The following PLPP1 variants were observed in gnomAD, a reference collection of about 807,000 sequenced individuals.
PLPP1 encodes phospholipid phosphatase 1.
In PLPP1, 24 loss-of-function variants were observed where a neutral mutation model predicts 31.2. The ratio of observed to expected loss-of-function variants is 0.77; its 90% CI spans 0.56 to 1.08. The LOEUF is 1.08. Among genes scored for constraint, PLPP1 ranks in the 50% least tolerant of loss-of-function variants. The pLI is 0.00. For synonymous variants in PLPP1, 146 were observed against 126.3 expected, an observed-to-expected ratio of 1.16 and a Z score of -1.05; for missense variants, 319 against 342.7, an observed-to-expected ratio of 0.93 and a Z score of 0.55.
At chr5:55,522,922 G>C (rs999122509) in intron 1 of PLPP1, among the ~76,000 whole-genome samples, 4 of 152,046 alleles carry the variant, frequency 2.6e-5, no homozygotes, top group Non-Finnish European at 2.9e-5. Context: ...GTTTCAGCGT[G>C]TTAACCAGGA....
At chr5:55,495,530 T>C (rs1752986967) in intron 1 of PLPP1, among the ~76,000 whole-genome samples, 1 of 152,094 alleles carries the variant, frequency 6.6e-6, no homozygotes, top group Non-Finnish European at 1.5e-5. Context: ...ATATATCAAA[T>C]GCTAAGACAT....
At chr5:55,490,389 A>T (rs1231808276) in intron 1 of PLPP1, among the ~76,000 whole-genome samples, 3 of 152,050 alleles carry the variant, frequency 2.0e-5, no homozygotes, top group African/African-American at 7.2e-5. Context: ...ACCTCAGGTG[A>T]TCAGCCCATC....
At chr5:55,528,237 G>A (rs557045072) in intron 1 of PLPP1, among the ~76,000 whole-genome samples, 2 of 152,210 alleles carry the variant, frequency 1.3e-5, no homozygotes, top group South Asian at 4.2e-4. Context: ...AGCAGCAGCA[G>A]CTACGAGTAA....
At chr5:55,474,731 C>T (rs1177379335) in intron 2 of PLPP1, among the ~76,000 whole-genome samples, 1 of 152,034 alleles carries the variant, frequency 6.6e-6, no homozygotes, top group African/African-American at 2.4e-5. Flanking sequence ...GAATCAAAAA[C>T]GGTAGGTACA....
chr5:55,437,843 G>A (rs1444940513), intron 4 of PLPP1, among the ~76,000 whole-genome samples: 3 of 152,224 alleles, frequency 2.0e-5, no homozygotes, highest in African/African-American at 7.2e-5. Flanking sequence ...TTTGCCCAAT[G>A]TTCAGCAATA....
chr5:55,494,967 C>CAA (rs33994006), intron 1 of PLPP1, among the ~76,000 whole-genome samples: 103,564 of 135,456 alleles, frequency 0.76, 40,325 homozygotes, highest in Non-Finnish European at 0.86. Context: ...AAAAAAAATA[C>CAA]AAAAAAAAAA....
intron 3 of PLPP1, among the ~76,000 whole-genome samples, chr5:55,451,556 CTTT>C (rs565534624): frequency 1.4e-5 from 2 of 142,486 alleles, no homozygotes; most frequent in Admixed American, 7.0e-5. Flanking sequence ...TTAGAGAAAC[CTTT>C]TTTTTTTTTT....
At chr5:55,425,582 TG>T in intron 5 of PLPP1, 1 of 450,498 alleles carries the variant, frequency 2.2e-6, no homozygotes. Context: ...TATTTCTACA[TG>T]TGAATTAGTT....
intron 4 of PLPP1, among the ~76,000 whole-genome samples, chr5:55,427,007 A>C (rs1168785454): frequency 2.0e-5 from 3 of 151,984 alleles, no homozygotes; most frequent in African/African-American, 7.3e-5. Flanking sequence ...CCCCTTTCTC[A>C]TGTCAGTCTG....
intron 1 of PLPP1, among the ~76,000 whole-genome samples, chr5:55,479,111 A>G: frequency 6.9e-6 from 1 of 145,948 alleles, no homozygotes. Flanking sequence ...TGCAACCTCC[A>G]CCTTCCGGGT....
intron 3 of PLPP1, among the ~76,000 whole-genome samples, chr5:55,444,855 T>G (rs1304446127): frequency 1.3e-5 from 2 of 151,712 alleles, no homozygotes; most frequent in African/African-American, 4.8e-5. Flanking sequence ...GTTCAAGTGA[T>G]TCTCCTGTCT....
At chr5:55,505,986 G>A (rs1263840783) in intron 1 of PLPP1, among the ~76,000 whole-genome samples, 4 of 152,204 alleles carry the variant, frequency 2.6e-5, no homozygotes, top group African/African-American at 9.6e-5. Flanking sequence ...GAACCTGGGA[G>A]GCAGAGGTTG....
At chr5:55,505,415 G>T (rs1245439979) in intron 1 of PLPP1, among the ~76,000 whole-genome samples, 3 of 149,298 alleles carry the variant, frequency 2.0e-5, no homozygotes, top group African/African-American at 7.4e-5. Flanking sequence ...ACAACATAGG[G>T]AGACTCCCAT....
chr5:55,464,723 T>C (rs541974350), intron 3 of PLPP1, among the ~76,000 whole-genome samples: 1 of 152,280 alleles, frequency 6.6e-6, no homozygotes, highest in Admixed American at 6.5e-5. Flanking sequence ...CACAACAAAG[T>C]ACTCACTGTA....
intron 2 of PLPP1, among the ~76,000 whole-genome samples, chr5:55,468,796 T>C (rs1043918209): frequency 1.3e-5 from 2 of 152,044 alleles, no homozygotes; most frequent in Non-Finnish European, 2.9e-5. Context: ...AGAGCAAGAC[T>C]CCGTCTCAAT....
At chr5:55,502,063 A>G (rs1057359862) in intron 1 of PLPP1, among the ~76,000 whole-genome samples, 1 of 152,250 alleles carries the variant, frequency 6.6e-6, no homozygotes, top group East Asian at 1.9e-4. Context: ...AAGCCTTTCA[A>G]GTTTTTTACT....
At chr5:55,530,940 C>CGACAGG (rs545572159) in intron 1 of PLPP1, among the ~76,000 whole-genome samples, 65 of 151,576 alleles carry the variant, frequency 4.3e-4, no homozygotes, top group African/African-American at 1.6e-3. Context: ...ATGGTGACAG[C>CGACAGG]GGCAGCGGCC....
intron 1 of PLPP1, among the ~76,000 whole-genome samples, chr5:55,511,244 T>C (rs1753399565): frequency 6.6e-6 from 1 of 152,036 alleles, no homozygotes; most frequent in Admixed American, 6.6e-5. Flanking sequence ...AAGGACAGAG[T>C]ACAATGAGAG....
intron 1 of PLPP1, among the ~76,000 whole-genome samples, chr5:55,494,391 T>C (rs145197743): frequency 2.0e-5 from 3 of 152,284 alleles, no homozygotes; most frequent in Admixed American, 6.5e-5. Context: ...GGTTTGGACA[T>C]ATGAAGAACG....
Sources: allele counts gnomAD v4.1 joint callset (sites outside exome capture counted in the v4.1 genomes callset), GRCh38; gene constraint gnomAD v4.1.1; transcripts MANE v1.5; gene names NCBI Gene and HGNC (gene_info 2026-07-23, HGNC 2026-07-21).